NARS2: variants seen among roughly 807,000 people sequenced by gnomAD.
NARS2 encodes the protein asparaginyl-tRNA synthetase 2, mitochondrial.
Under a neutral mutation model 62.9 loss-of-function variants are expected in NARS2, and 60 were observed. That is an observed-to-expected ratio of 0.95 (90% CI 0.77 to 1.18). The LOEUF (loss-of-function observed/expected upper bound fraction) is 1.18, where lower values mean the gene tolerates loss of function less well. Among genes scored for constraint, NARS2 ranks in the 50% most tolerant of loss-of-function variants. The pLI, the probability that NARS2 is intolerant of heterozygous loss-of-function variation, is 0.00. For missense variants in NARS2, 619 were observed against 576.4 expected, an observed-to-expected ratio of 1.07 and a Z score of -0.76; for synonymous variants, 196 against 200.0, an observed-to-expected ratio of 0.98 and a Z score of 0.17.
In NARS2 at chr11:78,478,665, T is replaced by G; in HGVS notation, c.841A>C (p.Lys281Gln). The change falls in exon 8 of 14, where the codon AAG becomes CAG. Residue 281 changes from lysine (K) to glutamine (Q), a missense_variant. Transcript: ENST00000281038. ...DLMQVIEELF[K>Q]ATTMMVLSKC... ...GAGAGAACCATCATTGTTGTAGCCT[T>G]GAACAGTTCCTCTATAACCTAAGAG... is the stretch of plus-strand genomic sequence containing the variant. 6.2e-7 allele frequency: 1 copy of G among 1,609,506 alleles called. No homozygotes were observed. Among genetic ancestry groups the G allele is most frequent in the Admixed American group, 1.7e-5 (1 of 59,390 alleles).
At chr11:78,555,489 T>C (rs1038752765) in intron 5 of NARS2, 1 of 152,142 alleles carries the variant, frequency 6.6e-6, no homozygotes, top group African/African-American at 2.4e-5. Flanking sequence ...TTAGAGGTGT[T>C]CGTAGTAGTT....
chr11:78,456,386 G>A (rs147688865), intron 11 of NARS2, among the ~76,000 whole-genome samples: 110 of 152,232 alleles, frequency 7.2e-4, no homozygotes, highest in Non-Finnish European at 1.2e-3. Context: ...AGTATTTTAC[G>A]ACAGACTGAA....
At chr11:78,573,904 T>C (rs146698487) in intron 1 of NARS2, among the ~76,000 whole-genome samples, 4 of 152,274 alleles carry the variant, frequency 2.6e-5, no homozygotes, top group African/African-American at 4.8e-5. Context: ...ACCCCCACAA[T>C]AGGCACTGAG....
chr11:78,534,582 A>G (rs1861602647), intron 5 of NARS2, among the ~76,000 whole-genome samples: 1 of 152,222 alleles, frequency 6.6e-6, no homozygotes, highest in Non-Finnish European at 1.5e-5. Flanking sequence ...AACCTCCTCC[A>G]GATACATTCA....
At chr11:78,499,743 T>C (rs1452024630) in intron 6 of NARS2, among the ~76,000 whole-genome samples, 1 of 152,214 alleles carries the variant, frequency 6.6e-6, no homozygotes, top group East Asian at 1.9e-4. Context: ...TATGATTCTT[T>C]GGCTCCTGAG....
intron 11 of NARS2, among the ~76,000 whole-genome samples, chr11:78,456,765 T>C (rs904291216): frequency 3.3e-5 from 5 of 152,236 alleles, no homozygotes; most frequent in African/African-American, 1.2e-4. Flanking sequence ...TAAAAGACTA[T>C]TCTTCTCTGT....
intron 11 of NARS2, among the ~76,000 whole-genome samples, chr11:78,450,648 A>T (rs987332609): frequency 6.6e-6 from 1 of 150,892 alleles, no homozygotes; most frequent in African/African-American, 2.4e-5. Context: ...TCTGAAGAAA[A>T]GCCCACAAAA....
intron 6 of NARS2, among the ~76,000 whole-genome samples, chr11:78,505,246 C>T (rs564191933): frequency 3.3e-4 from 48 of 143,526 alleles, no homozygotes; most frequent in African/African-American, 1.2e-3. Flanking sequence ...ATAATGAAAC[C>T]TTGTCTCTTA....
chr11:78,525,425 AG>A (rs1320068899), intron 6 of NARS2, among the ~76,000 whole-genome samples: 4 of 152,186 alleles, frequency 2.6e-5, no homozygotes, highest in African/African-American at 7.2e-5. Context: ...GTCAAAGTAC[AG>A]GGGCGTATCA....
intron 7 of NARS2, among the ~76,000 whole-genome samples, chr11:78,491,216 G>A (rs1859804981): frequency 6.6e-6 from 1 of 152,202 alleles, no homozygotes; most frequent in African/African-American, 2.4e-5. Context: ...GTGCACTTTA[G>A]GTTGTTGAAC....
intron 5 of NARS2, among the ~76,000 whole-genome samples, chr11:78,540,694 C>A (rs1361589906): frequency 6.6e-6 from 1 of 152,086 alleles, no homozygotes; most frequent in Non-Finnish European, 1.5e-5. Context: ...ATGCTATTGT[C>A]CTGTTTACCT....
At chr11:78,475,923 C>T (rs1328702808) in intron 9 of NARS2, among the ~76,000 whole-genome samples, 1 of 152,154 alleles carries the variant, frequency 6.6e-6, no homozygotes, top group African/African-American at 2.4e-5. Context: ...AACAGCCATT[C>T]TAACAGGTGT....
At chr11:78,453,832 G>A (rs1033349418) in intron 11 of NARS2, among the ~76,000 whole-genome samples, 1 of 152,216 alleles carries the variant, frequency 6.6e-6, no homozygotes, top group Non-Finnish European at 1.5e-5. Context: ...CAGATGGGCT[G>A]CAGGCAACAA....
intron 6 of NARS2, among the ~76,000 whole-genome samples, chr11:78,521,172 T>C (rs1231929770): frequency 6.6e-6 from 1 of 151,770 alleles, no homozygotes; most frequent in African/African-American, 2.4e-5. Flanking sequence ...CTTTCTTTTT[T>C]TTTTTTTTAA....
At chr11:78,513,854 T>C (rs988074590) in intron 6 of NARS2, among the ~76,000 whole-genome samples, 1 of 152,140 alleles carries the variant, frequency 6.6e-6, no homozygotes, top group African/African-American at 2.4e-5. Flanking sequence ...GGGTGGTTTC[T>C]GGATCATAGG....
intron 6 of NARS2, among the ~76,000 whole-genome samples, chr11:78,514,314 G>A (rs1860827426): frequency 6.6e-6 from 1 of 152,116 alleles, no homozygotes; most frequent in African/African-American, 2.4e-5. Context: ...CAGAGATGGG[G>A]TTTTGCCATG....
intron 5 of NARS2, 120 bp downstream of exon 5, chr11:78,559,419 A>G: frequency 1.6e-6 from 1 of 627,288 alleles, no homozygotes; most frequent in South Asian, 1.9e-5. Flanking sequence ...AAGGATTTTT[A>G]TTGACAATTT....
chr11:78,527,772 G>T (rs1442356670), intron 6 of NARS2, among the ~76,000 whole-genome samples: 8 of 151,970 alleles, frequency 5.3e-5, no homozygotes, highest in Admixed American at 1.3e-4. Flanking sequence ...TAAAGAAAAA[G>T]ATACATAAAG....
intron 4 of NARS2, among the ~76,000 whole-genome samples, chr11:78,561,383 C>T (rs1187956765): frequency 6.6e-6 from 1 of 152,162 alleles, no homozygotes; most frequent in Non-Finnish European, 1.5e-5. Context: ...AAATAGGTTT[C>T]CAGTGTCACT....
Sources: allele counts gnomAD v4.1 joint callset (sites outside exome capture counted in the v4.1 genomes callset), GRCh38; gene constraint gnomAD v4.1.1; transcripts MANE v1.5; gene names NCBI Gene and HGNC (gene_info 2026-07-23, HGNC 2026-07-21).